TRHDE: variants seen among roughly 807,000 people sequenced by gnomAD.
TRHDE encodes thyrotropin releasing hormone degrading enzyme, also known as thyrotropin-releasing hormone-degrading ectoenzyme.
Under a neutral mutation model 125.7 loss-of-function variants are expected in TRHDE, and 72 were observed. The ratio of observed to expected loss-of-function variants is 0.57; its 90% confidence interval spans 0.47 to 0.70. TRHDE has a LOEUF of 0.70. TRHDE is among the 30% of genes least tolerant of loss of function. The pLI, the probability that TRHDE is intolerant of heterozygous loss-of-function variation, is 0.00. For synonymous variants in TRHDE, 509 were observed against 509.1 expected, an observed-to-expected ratio of 1.00 and a Z score of 0.00; for missense variants, 1,110 against 1,327.1, an observed-to-expected ratio of 0.84 and a Z score of 2.54.
chr12:72,188,919 T>C (rs1877283332), intron 2 of TRHDE, among the ~76,000 whole-genome samples: 1 of 152,178 alleles, frequency 6.6e-6, no homozygotes, highest in South Asian at 2.1e-4. Flanking sequence ...TCCACATGCT[T>C]ACCCCATGAG....
chr12:72,286,568 A>G (rs1879896252), intron 1 of TRHDE, 113 bp from the exon 2 acceptor site: 1 of 1,078,544 alleles, frequency 9.3e-7, no homozygotes, highest in African/African-American at 1.6e-5. Context: ...TGGTTCAGAA[A>G]AAAATATTGC....
At chr12:72,381,787 G>A (rs1872197499) in intron 3 of TRHDE, among the ~76,000 whole-genome samples, 1 of 152,188 alleles carries the variant, frequency 6.6e-6, no homozygotes, top group African/African-American at 2.4e-5. Flanking sequence ...GAACCAGGAG[G>A]GTGGAATTGC....
At chr12:72,632,022 T>TATGTTGATGATG (rs1484540055) in intron 15 of TRHDE, among the ~76,000 whole-genome samples, 3 of 151,916 alleles carry the variant, frequency 2.0e-5, no homozygotes, top group African/African-American at 7.2e-5. Flanking sequence ...CTGTGAAGAA[T>TATGTTGATGATG]ACAAAAGATG....
intron 6 of TRHDE, among the ~76,000 whole-genome samples, chr12:72,517,369 T>C (rs1167494194): frequency 3.3e-5 from 5 of 152,264 alleles, no homozygotes; most frequent in African/African-American, 7.2e-5. Context: ...TGGTTTAGTC[T>C]TGGGAGAGTG....
intron 3 of TRHDE, among the ~76,000 whole-genome samples, chr12:72,387,762 C>T (rs1872484198): frequency 2.0e-5 from 3 of 152,030 alleles, no homozygotes; most frequent in African/African-American, 7.2e-5. Context: ...ATAAGTCTCA[C>T]GAGATTTGAT....
At chr12:72,446,801 C>T (rs1875308292) in intron 3 of TRHDE, among the ~76,000 whole-genome samples, 1 of 152,114 alleles carries the variant, frequency 6.6e-6, no homozygotes, top group Non-Finnish European at 1.5e-5. Context: ...ATCAATTCAA[C>T]AAGAAGAGCT....
At chr12:72,359,758 A>ACAACTTAT (rs1870983911) in intron 2 of TRHDE, among the ~76,000 whole-genome samples, 1 of 151,720 alleles carries the variant, frequency 6.6e-6, no homozygotes, top group South Asian at 2.1e-4. Flanking sequence ...CATTTACAAT[A>ACAACTTAT]AGACTTTGTG....
chr12:72,641,895 T>G (rs1874079444), intron 15 of TRHDE, among the ~76,000 whole-genome samples: 1 of 151,958 alleles, frequency 6.6e-6, no homozygotes, highest in Non-Finnish European at 1.5e-5. Context: ...ATTTGTATGT[T>G]GAAATCCTAA....
chr12:72,208,926 C>T (rs1261450410), intron 2 of TRHDE, among the ~76,000 whole-genome samples: 2 of 152,092 alleles, frequency 1.3e-5, no homozygotes, highest in African/African-American at 4.8e-5. Flanking sequence ...AAACCCCCAA[C>T]CCTCTTCTTC....
intron 5 of TRHDE, among the ~76,000 whole-genome samples, chr12:72,487,612 C>G (rs1877474241): frequency 6.6e-6 from 1 of 152,024 alleles, no homozygotes; most frequent in Non-Finnish European, 1.5e-5. Flanking sequence ...GAATATATTA[C>G]CACTATACTT....
At chr12:72,179,070 A>G (rs552100047) in intron 2 of TRHDE, among the ~76,000 whole-genome samples, 2 of 152,212 alleles carry the variant, frequency 1.3e-5, no homozygotes, top group East Asian at 3.9e-4. Context: ...GGAAATATGA[A>G]CAGGAGGTGA....
At chr12:72,637,007 T>C (rs1403206369) in intron 15 of TRHDE, among the ~76,000 whole-genome samples, 1 of 151,940 alleles carries the variant, frequency 6.6e-6, no homozygotes, top group East Asian at 1.9e-4. Context: ...ATCAGGATGA[T>C]GCTGGCCTCA....
intron 3 of TRHDE, among the ~76,000 whole-genome samples, chr12:72,442,449 C>T (rs1337059487): frequency 1.3e-5 from 2 of 151,828 alleles, no homozygotes; most frequent in Admixed American, 6.6e-5. Context: ...TTTGAAACTA[C>T]CTGGCAAAGG....
intron 1 of TRHDE, among the ~76,000 whole-genome samples, chr12:72,282,047 A>G (rs1034304897): frequency 6.6e-6 from 1 of 152,232 alleles, no homozygotes; most frequent in Non-Finnish European, 1.5e-5. Flanking sequence ...CAGTTATGCT[A>G]AAATGACATT....
chr12:72,373,023 T>C (rs1052266469), intron 2 of TRHDE, among the ~76,000 whole-genome samples: 3 of 152,146 alleles, frequency 2.0e-5, no homozygotes, highest in Non-Finnish European at 2.9e-5. Flanking sequence ...TACCCATGAG[T>C]ATGGAATGTT....
intron 2 of TRHDE, among the ~76,000 whole-genome samples, chr12:72,173,233 G>C (rs1360972606): frequency 6.6e-6 from 1 of 152,072 alleles, no homozygotes; most frequent in Non-Finnish European, 1.5e-5. Flanking sequence ...TGTCACAATT[G>C]GGCAGAATAA....
intron 9 of TRHDE, among the ~76,000 whole-genome samples, chr12:72,567,510 C>T (rs553023000): frequency 5.3e-5 from 8 of 151,830 alleles, no homozygotes; most frequent in African/African-American, 1.7e-4. Context: ...AAATTTCACA[C>T]GACAGAGTCA....
chr12:72,519,344 C>T (rs1229491544), intron 6 of TRHDE, among the ~76,000 whole-genome samples: 1 of 152,144 alleles, frequency 6.6e-6, no homozygotes, highest in Non-Finnish European at 1.5e-5. Flanking sequence ...TTACTCATTT[C>T]TTTTTATTCT....
intron 12 of TRHDE, among the ~76,000 whole-genome samples, chr12:72,596,017 T>G (rs1406520794): frequency 6.6e-6 from 1 of 152,140 alleles, no homozygotes; most frequent in Non-Finnish European, 1.5e-5. Context: ...AGGGTTGATA[T>G]TATTGAAAAT....
Sources: allele counts gnomAD v4.1 joint callset (sites outside exome capture counted in the v4.1 genomes callset), GRCh38; gene constraint gnomAD v4.1.1; transcripts MANE v1.5; gene names NCBI Gene and HGNC (gene_info 2026-07-23, HGNC 2026-07-21).